CPA6: variants seen among roughly 807,000 people sequenced by gnomAD.
The protein encoded by CPA6 is carboxypeptidase B.
A neutral mutation model predicts 63.3 loss-of-function variants in CPA6; 58 were observed. That is an observed-to-expected ratio of 0.92 (90% CI 0.74 to 1.14). The LOEUF is 1.14. Ranked by LOEUF, CPA6 falls within the 50% of genes most tolerant of loss-of-function variation. CPA6 has a pLI of 0.00. For synonymous variants in CPA6, 185 were observed against 179.0 expected, an observed-to-expected ratio of 1.03 and a Z score of -0.27; for missense variants, 565 against 526.6, an observed-to-expected ratio of 1.07 and a Z score of -0.71.
intron 8 of CPA6, among the ~76,000 whole-genome samples, chr8:67,462,931 T>C (rs1044253416): frequency 1.3e-5 from 2 of 152,194 alleles, no homozygotes; most frequent in African/African-American, 2.4e-5. Context: ...TATTGACTTT[T>C]GATAAATTCT....
At chr8:67,445,622 A>T (rs1468604986) in intron 8 of CPA6, among the ~76,000 whole-genome samples, 1 of 152,212 alleles carries the variant, frequency 6.6e-6, no homozygotes, top group Non-Finnish European at 1.5e-5. Flanking sequence ...TCTTAAAATA[A>T]GGATGAGAAA....
intron 5 of CPA6, among the ~76,000 whole-genome samples, chr8:67,508,546 T>C (rs551247481): frequency 1.3e-5 from 2 of 152,250 alleles, no homozygotes; most frequent in African/African-American, 4.8e-5. Context: ...GGATAGATTC[T>C]CAGGGATTAC....
At chr8:67,537,150 A>G (rs1812602788) in intron 2 of CPA6, among the ~76,000 whole-genome samples, 1 of 152,146 alleles carries the variant, frequency 6.6e-6, no homozygotes, top group African/African-American at 2.4e-5. Context: ...ATTGACCTGA[A>G]ATTTTCTTTT....
intron 2 of CPA6, among the ~76,000 whole-genome samples, chr8:67,557,607 G>C (rs1440838884): frequency 2.0e-5 from 3 of 152,104 alleles, no homozygotes; most frequent in Non-Finnish European, 4.4e-5. Context: ...TATTTTCAGA[G>C]GTCTGATCTC....
intron 2 of CPA6, among the ~76,000 whole-genome samples, chr8:67,543,311 T>G (rs142165460): frequency 1.5e-3 from 232 of 152,368 alleles, no homozygotes; most frequent in African/African-American, 5.4e-3. Context: ...AATAGACAGT[T>G]TTTGGCTTTG....
chr8:67,672,908 C>T (rs929468540), intron 1 of CPA6, among the ~76,000 whole-genome samples: 2 of 151,540 alleles, frequency 1.3e-5, no homozygotes, highest in Admixed American at 6.6e-5. Flanking sequence ...ATTTCACTAA[C>T]TTTTTTTTTA....
chr8:67,636,593 A>T, intron 1 of CPA6, among the ~76,000 whole-genome samples: 1 of 151,536 alleles, frequency 6.6e-6, no homozygotes, highest in East Asian at 1.9e-4. Context: ...ATGGCAGCTT[A>T]AAAAACTGTG....
intron 8 of CPA6, among the ~76,000 whole-genome samples, chr8:67,475,934 C>CTCTG (rs1811223320): frequency 4.2e-5 from 2 of 47,582 alleles, no homozygotes; most frequent in African/African-American, 1.0e-4. Flanking sequence ...TTCTTTCTTT[C>CTCTG]TCTTTCTTTC....
chr8:67,701,844 A>G (rs929843837), intron 1 of CPA6, among the ~76,000 whole-genome samples: 7 of 152,274 alleles, frequency 4.6e-5, no homozygotes, highest in Middle Eastern at 3.4e-3. Context: ...GAATGTTTTT[A>G]TTTCTGCATT....
intron 2 of CPA6, among the ~76,000 whole-genome samples, chr8:67,607,193 T>TTCTTCTTCTTCTTCTTCC (rs1814675285): frequency 1.7e-5 from 1 of 59,134 alleles, no homozygotes; most frequent in African/African-American, 7.2e-5. Context: ...CTTCTTCTTC[T>TTCTTCTTCTTCTTCTTCC]TCTTCTTCTT....
chr8:67,567,527 C>T (rs1305507352), intron 2 of CPA6, among the ~76,000 whole-genome samples: 1 of 152,130 alleles, frequency 6.6e-6, no homozygotes, highest in East Asian at 1.9e-4. Flanking sequence ...TGGAGGTCAG[C>T]AAGGTGGTGG....
intron 8 of CPA6, among the ~76,000 whole-genome samples, chr8:67,472,833 C>G (rs750367181): frequency 6.6e-6 from 1 of 152,102 alleles, no homozygotes; most frequent in Non-Finnish European, 1.5e-5. Flanking sequence ...TAGATATTGT[C>G]CTTCAAATGC....
At chr8:67,454,917 C>T (rs1277454510) in intron 8 of CPA6, among the ~76,000 whole-genome samples, 2 of 152,016 alleles carry the variant, frequency 1.3e-5, no homozygotes, top group African/African-American at 4.8e-5. Context: ...CGGATATAAT[C>T]GTAAAGTGTG....
intron 6 of CPA6, among the ~76,000 whole-genome samples, chr8:67,491,153 C>T (rs1811596139): frequency 6.7e-6 from 1 of 149,952 alleles, no homozygotes; most frequent in South Asian, 2.1e-4. Context: ...GGGTGCATCT[C>T]AACACAAAGG....
chr8:67,726,089 T>A (rs1354877373), intron 1 of CPA6, among the ~76,000 whole-genome samples: 1 of 152,128 alleles, frequency 6.6e-6, no homozygotes, highest in Admixed American at 6.5e-5. Flanking sequence ...GTTTTAGAAC[T>A]CATGAGAGCA....
At chr8:67,513,149 CAAA>C (rs1293431984) in intron 3 of CPA6, among the ~76,000 whole-genome samples, 4 of 152,136 alleles carry the variant, frequency 2.6e-5, no homozygotes, top group Admixed American at 6.6e-5. Flanking sequence ...TGCAGTGGCT[CAAA>C]ATGTGAGTGG....
rs1350004685 is a variant in CPA6 at position 67,428,109 on chromosome 8, A to G, written c.1064T>C (p.Val355Ala). The G allele has an allele frequency of 6.2e-7, 1 of 1,612,234 alleles. No homozygotes were observed. Among genetic ancestry groups the G allele is most frequent in the African/African-American group, 1.3e-5 (1 of 74,854 alleles). Reference protein sequence around the residue: ...RCVESAAYKAVNALQSVYGVR... With the variant: ...RCVESAAYKAANALQSVYGVR... The stretch of plus-strand genomic sequence containing the variant: ...CCCGTATACTGACTGAAGTGCATTC[A>G]CAGCTTTATAAGCTGCAGATTCCTA... Residue 355 changes from valine (V) to alanine (A), a missense_variant, in exon 10 of 11, where the codon GTG becomes GCG. Transcript: ENST00000297770.
chr8:67,448,015 G>A (rs1810468980), intron 8 of CPA6, among the ~76,000 whole-genome samples: 2 of 152,110 alleles, frequency 1.3e-5, no homozygotes, highest in Admixed American at 6.5e-5. Context: ...GAACTCCCAA[G>A]CTCAGGTGAT....
chr8:67,638,651 T>A (rs1815522896), intron 1 of CPA6, among the ~76,000 whole-genome samples: 1 of 151,426 alleles, frequency 6.6e-6, no homozygotes, highest in Non-Finnish European at 1.5e-5. Context: ...GGAAGACCAC[T>A]CCCCCAGGGG....
Sources: allele counts gnomAD v4.1 joint callset (sites outside exome capture counted in the v4.1 genomes callset), GRCh38; gene constraint gnomAD v4.1.1; transcripts MANE v1.5; gene names NCBI Gene and HGNC (gene_info 2026-07-23, HGNC 2026-07-21).